Variants in TYR observed in about 807,000 individuals in gnomAD.
The protein encoded by TYR is LB24-AB.
In TYR, 58 loss-of-function variants were observed where a neutral mutation model predicts 51.5. The ratio of observed to expected loss-of-function variants is 1.13; its 90% CI spans 0.91 to 1.40. The LOEUF is 1.40. Among genes scored for constraint, TYR ranks in the 40% most tolerant of loss-of-function variants. The probability of loss-of-function intolerance (pLI) is 0.00; values close to 1 mark genes in which losing one functional copy is unlikely to be tolerated. For synonymous variants in TYR, 263 were observed against 235.2 expected, an observed-to-expected ratio of 1.12 and a Z score of -1.08; for missense variants, 732 against 647.4, an observed-to-expected ratio of 1.13 and a Z score of -1.42.
intron 2 of TYR, among the ~76,000 whole-genome samples, chr11:89,213,938 A>T (rs1943796661): frequency 6.6e-6 from 1 of 152,226 alleles, no homozygotes; most frequent in Admixed American, 6.5e-5. Context: ...CACAAAAATT[A>T]ACTCAATATG....
intron 2 of TYR, among the ~76,000 whole-genome samples, chr11:89,196,040 C>T (rs1354691095): frequency 6.6e-6 from 1 of 152,072 alleles, no homozygotes; most frequent in Non-Finnish European, 1.5e-5. Flanking sequence ...TGTTATTTAA[C>T]TTCTCATATG....
At chr11:89,281,337 A>G (rs1944719898) in intron 3 of TYR, among the ~76,000 whole-genome samples, 1 of 151,710 alleles carries the variant, frequency 6.6e-6, no homozygotes, top group African/African-American at 2.4e-5. Context: ...TGTCCTGGGC[A>G]TATTTCACAA....
At chr11:89,209,127 G>A (rs188263609) in intron 2 of TYR, among the ~76,000 whole-genome samples, 2 of 152,350 alleles carry the variant, frequency 1.3e-5, no homozygotes, top group Admixed American at 6.5e-5. Flanking sequence ...AACCAAAGCA[G>A]GATGGGGGGT....
chr11:89,196,514 A>G (rs576088101), intron 2 of TYR, among the ~76,000 whole-genome samples: 1 of 152,300 alleles, frequency 6.6e-6, no homozygotes, highest in Admixed American at 6.5e-5. Flanking sequence ...GGTGCTCATT[A>G]AGTATTGGCT....
Position 89,284,834 on chromosome 11 carries a change from G to A in TYR, c.1246G>A (p.Ala416Thr), listed in dbSNP as rs572501099. The change falls in exon 4 of 5, where the codon GCA (alanine) becomes ACA (threonine). Residue 416 changes from alanine (A) to threonine (T), a missense_variant. Coordinates refer to ENST00000263321, the MANE Select transcript of TYR (RefSeq NM_000372.5). The part of the protein sequence containing the change: ...PLQEVYPEAN[A>T]PIGHNRESYM... ...TCAAGAAGTTTATCCAGAAGCCAAT[G>A]CACCCATTGGACATAACCGGGAATC... The A allele has an allele frequency of 6.2e-6, 10 of 1,611,986 alleles. No individual in the cohort carries two copies. Among genetic ancestry groups the A allele is most frequent in the South Asian group, 5.5e-5 (5 of 91,030 alleles).
At chr11:89,246,290 C>A (rs1944266603) in intron 3 of TYR, among the ~76,000 whole-genome samples, 1 of 152,152 alleles carries the variant, frequency 6.6e-6, no homozygotes, top group Non-Finnish European at 1.5e-5. Flanking sequence ...TTTGTGTGAT[C>A]TTAGGAAAGT....
chr11:89,222,241 T>A (rs1230301419), intron 2 of TYR, among the ~76,000 whole-genome samples: 1 of 152,188 alleles, frequency 6.6e-6, no homozygotes, highest in African/African-American at 2.4e-5. Context: ...TCCAGCTTAA[T>A]TCAGTGCAGT....
At chr11:89,182,401 A>G (rs1262815450) in intron 1 of TYR, among the ~76,000 whole-genome samples, 2 of 152,168 alleles carry the variant, frequency 1.3e-5, no homozygotes, top group Non-Finnish European at 2.9e-5. Flanking sequence ...CAATGTCAAC[A>G]ATAGCCACTT....
In TYR at chr11:89,196,049, T is replaced by C. The variant is rs145173338; in HGVS notation, c.1036+4631T>C. Reference sequence around the variant, plus strand: ...TGGGTATGTTATTTAACTTCTCATATGTAAAATGTGGATAACAATAATAAT... The same window carrying C: ...TGGGTATGTTATTTAACTTCTCATACGTAAAATGTGGATAACAATAATAAT... On this transcript the variant is annotated intron_variant, in intron 2 of 4. Transcript: ENST00000263321. Among the ~76,000 whole-genome samples, 851 of 152,332 alleles carry C rather than the reference T, an allele frequency of 5.6e-3. 3 individuals carry two copies. Among genetic ancestry groups the C allele is most frequent in the Non-Finnish European group, 8.8e-3 (599 of 68,036 alleles).
At chr11:89,188,913 A>T (rs12418383) in intron 1 of TYR, among the ~76,000 whole-genome samples, 25,086 of 151,794 alleles carry the variant, frequency 0.17, 2,458 homozygotes, top group African/African-American at 0.28. Context: ...TGCATCAGTC[A>T]GGATCTCAGT....
chr11:89,200,017 C>A (rs1307361845), intron 2 of TYR, among the ~76,000 whole-genome samples: 1 of 152,206 alleles, frequency 6.6e-6, no homozygotes, highest in East Asian at 1.9e-4. Flanking sequence ...AATATCACTA[C>A]ACATTAGCAA....
intron 3 of TYR, among the ~76,000 whole-genome samples, chr11:89,248,734 ATAGACTGT>A (rs1390802313): frequency 6.6e-6 from 1 of 152,176 alleles, no homozygotes; most frequent in Non-Finnish European, 1.5e-5. Context: ...ATTGTGACAA[ATAGACTGT>A]TAGAGTGAAA....
intron 4 of TYR, among the ~76,000 whole-genome samples, chr11:89,287,759 T>C (rs1488992264): frequency 3.9e-5 from 6 of 151,930 alleles, no homozygotes; most frequent in African/African-American, 1.2e-4. Context: ...GCAGCTTCAG[T>C]ATGCAGAAAA....
intron 2 of TYR, among the ~76,000 whole-genome samples, chr11:89,217,132 A>C (rs1178932482): frequency 6.6e-6 from 1 of 152,196 alleles, no homozygotes; most frequent in Non-Finnish European, 1.5e-5. Flanking sequence ...TTTAAATTTC[A>C]TGTAAAACAA....
chr11:89,282,341 C>T (rs1022422399), intron 3 of TYR, among the ~76,000 whole-genome samples: 12 of 151,640 alleles, frequency 7.9e-5, no homozygotes, highest in African/African-American at 2.9e-4. Flanking sequence ...GAGGGATTAT[C>T]AGACAGCCTC....
At chr11:89,197,663 G>A (rs1229159999) in intron 2 of TYR, among the ~76,000 whole-genome samples, 1 of 152,016 alleles carries the variant, frequency 6.6e-6, no homozygotes, top group East Asian at 1.9e-4. Context: ...TCATGGATGA[G>A]AGCTTGATCT....
rs1487703492 is a variant in TYR, at chr11:89,178,022, C to A, written c.69C>A (p.Ala23=). Residue 23 remains alanine (A), a synonymous_variant, in exon 1 of 5, where the codon GCC becomes GCA. Coordinates refer to ENST00000263321, the MANE Select transcript of TYR (RefSeq NM_000372.5). ...CCTCCGCTGGCCATTTCCCTAGAGC[C>A]TGTGTCTCCTCTAAGAACCTGATGG... ...FQTSAGHFPR[A]CVSSKNLMEK... is the part of the protein sequence containing the mutation. 6.2e-7 allele frequency: 1 copy of A among 1,614,068 alleles called. No individual in the cohort carries two copies.
At chr11:89,187,044 T>C (rs1394564213) in intron 1 of TYR, among the ~76,000 whole-genome samples, 1 of 152,150 alleles carries the variant, frequency 6.6e-6, no homozygotes, top group Non-Finnish European at 1.5e-5. Flanking sequence ...ACCCAGTCTG[T>C]AGTATTTTCT....
At chr11:89,291,153 A>ACATATCTTC (rs5793399) in intron 4 of TYR, among the ~76,000 whole-genome samples, 39,020 of 151,510 alleles carry the variant, frequency 0.26, 5,260 homozygotes, top group Non-Finnish European at 0.31. Context: ...CATTCCTTCA[A>ACATATCTTC]CATATCTTCT....
Sources: allele counts gnomAD v4.1 joint callset (sites outside exome capture counted in the v4.1 genomes callset), GRCh38; gene constraint gnomAD v4.1.1; transcripts MANE v1.5; gene names NCBI Gene and HGNC (gene_info 2026-07-23, HGNC 2026-07-21).